KIF6: variants seen among roughly 807,000 people sequenced by gnomAD.
The protein encoded by KIF6 is kinesin-like protein KIF6.
A neutral mutation model predicts 112.7 loss-of-function variants in KIF6; 106 were observed. The observed-to-expected ratio is 0.94, with a 90% CI of 0.80 to 1.11. The LOEUF (loss-of-function observed/expected upper bound fraction) is 1.11. KIF6 is among the 50% of genes least tolerant of loss of function. The pLI, the probability that KIF6 is intolerant of heterozygous loss-of-function variation, is 0.00. For missense variants in KIF6, 929 were observed against 964.0 expected, an observed-to-expected ratio of 0.96 and a Z score of 0.48; for synonymous variants, 339 against 339.9, an observed-to-expected ratio of 1.00 and a Z score of 0.03.
At chr6:39,345,830 A>G (rs1326265121) in intron 20 of KIF6, 41 bp from the exon 21 acceptor site, 10 of 1,432,298 alleles carry the variant, frequency 7.0e-6, no homozygotes, top group Non-Finnish European at 9.7e-6. Flanking sequence ...GAATGGGGGC[A>G]AATTTATAGA....
At position 39,439,472 on chromosome 6, in the gene KIF6, G is replaced by A. The variant is rs77432508; in HGVS notation, c.1646-8311C>T. On this transcript the variant is annotated intron_variant, in intron 13 of 22. Coordinates refer to ENST00000287152, the MANE Select transcript of KIF6 (RefSeq NM_145027.6). ...AAACCTAAAAGAGAGGAATTTCTGA[G>A]TCTCATTCTCCAAAAGACGACATTG... Among the ~76,000 whole-genome samples the A allele has an allele frequency of 2.6e-3, 393 of 152,322 alleles. 1 individual carries two copies. The highest frequency in any genetic ancestry group is 6.4e-3 in the South Asian group (31 of 4,830).
chr6:39,557,485 A>G (rs1369767242), intron 10 of KIF6, among the ~76,000 whole-genome samples: 2 of 152,332 alleles, frequency 1.3e-5, no homozygotes, highest in Non-Finnish European at 2.9e-5. Flanking sequence ...GCAAATTTAG[A>G]GAGCAAATGA....
chr6:39,586,310 C>G lies in KIF6; in HGVS notation c.941G>C (p.Cys314Ser), dbSNP rs759084436. Residue 314 changes from cysteine to serine, a missense_variant, in exon 8 of 23, where the codon TGC becomes TCC. Physicochemically the swap from Cys to Ser is moderately radical, Grantham distance 112. This residue lies in a region of KIF6 where 688 missense variants were observed against 662.7 expected (regional missense o/e 1.04). Coordinates refer to ENST00000287152, the MANE Select transcript of KIF6 (RefSeq NM_145027.6). ...SVLRDSLGGN[C>S]MTTMIATLSL... ...GAGTGTTGCAATCATAGTTGTCATG[C>G]AGTTCCCTCCCAAACTGTCTCTTAG... 5.0e-6 allele frequency: 8 copies of G among 1,614,038 alleles called. No homozygotes were observed. Among genetic ancestry groups the G allele is most frequent in the Non-Finnish European group, 6.8e-6 (8 of 1,179,906 alleles).
rs775434376 is a variant in KIF6 at position 39,725,300 on chromosome 6, T to C, written c.11A>G (p.Gln4Arg). The change falls in exon 1 of 23, where the codon CAG becomes CGG. Residue 4 changes from glutamine (Q) to arginine (R), a missense_variant. By Grantham distance (43) the Gln-to-Arg change is conservative (BLOSUM62 1). Around this residue, in one of 2 missense-constraint regions of KIF6, gnomAD observed 688 missense variants for 662.7 expected, o/e 1.04. Coordinates refer to ENST00000287152, the MANE Select transcript of KIF6 (RefSeq NM_145027.6). ...CACCCTCGCGAATATCTGGATAGTC[T>C]GCTTCACCATCTCCTCCCTGGCTCT... MVK[Q>R]TIQIFARVKP... 1.9e-6 allele frequency: 3 copies of C among 1,610,202 alleles called. No individual in the cohort carries two copies. Among genetic ancestry groups the C allele is most frequent in the Middle Eastern group, 3.3e-4 (2 of 6,048 alleles).
intron 18 of KIF6, among the ~76,000 whole-genome samples, chr6:39,359,585 T>C (rs1006256794): frequency 1.3e-5 from 2 of 152,098 alleles, no homozygotes; most frequent in African/African-American, 2.4e-5. Flanking sequence ...TGATTTATTA[T>C]TATTATTATT....
chr6:39,408,220 G>A (rs1011429336), intron 15 of KIF6, among the ~76,000 whole-genome samples: 1 of 152,154 alleles, frequency 6.6e-6, no homozygotes, highest in Non-Finnish European at 1.5e-5. Context: ...TGGCTGATAT[G>A]ATCATGTACA....
chr6:39,453,840 A>G (rs1205716093), intron 13 of KIF6, among the ~76,000 whole-genome samples: 1 of 152,056 alleles, frequency 6.6e-6, no homozygotes, highest in Non-Finnish European at 1.5e-5. Flanking sequence ...AATTATTAAA[A>G]TTTTCTTCTC....
At chr6:39,365,814 C>T (rs1346858765) in intron 16 of KIF6, among the ~76,000 whole-genome samples, 4 of 152,212 alleles carry the variant, frequency 2.6e-5, no homozygotes, top group Admixed American at 2.6e-4. Context: ...ACGTGAGAGA[C>T]TGCTGGAGGC....
At chr6:39,637,194 A>G (rs547977780) in intron 4 of KIF6, among the ~76,000 whole-genome samples, 1 of 152,198 alleles carries the variant, frequency 6.6e-6, no homozygotes, top group East Asian at 1.9e-4. Flanking sequence ...TCCAGAAGTT[A>G]GAATAAATCA....
intron 10 of KIF6, among the ~76,000 whole-genome samples, chr6:39,559,709 C>T (rs190854416): frequency 6.6e-6 from 1 of 151,910 alleles, no homozygotes; most frequent in East Asian, 1.9e-4. Flanking sequence ...TTATTGACTG[C>T]CTATTGTCAA....
intron 13 of KIF6, among the ~76,000 whole-genome samples, chr6:39,538,201 C>A (rs547764817): frequency 4.1e-4 from 62 of 151,622 alleles, no homozygotes; most frequent in Non-Finnish European, 7.5e-4. Context: ...GGAACAAAAG[C>A]CAAAATTGAC....
intron 13 of KIF6, among the ~76,000 whole-genome samples, chr6:39,491,935 C>T (rs184215156): frequency 9.9e-5 from 15 of 152,140 alleles, no homozygotes; most frequent in East Asian, 1.9e-4. Flanking sequence ...TATATTAAAA[C>T]GAGAGAAATG....
intron 10 of KIF6, among the ~76,000 whole-genome samples, chr6:39,568,685 G>T (rs1004730220): frequency 1.3e-5 from 2 of 151,756 alleles, no homozygotes; most frequent in Non-Finnish European, 2.9e-5. Context: ...TGAGTAGCTG[G>T]GATTACAGAC....
chr6:39,577,681 A>G (rs1283469249), intron 10 of KIF6, among the ~76,000 whole-genome samples: 1 of 152,230 alleles, frequency 6.6e-6, no homozygotes, highest in Non-Finnish European at 1.5e-5. Flanking sequence ...TTGTGGCAAG[A>G]TGCTGTTTAA....
rs189767897 is a variant in KIF6 at position 39,588,564 on chromosome 6, C to T, written c.847-2160G>A. Among the ~76,000 whole-genome samples, 480 of 152,110 alleles carry T rather than the reference C, an allele frequency of 3.2e-3. 4 individuals carry two copies. The highest frequency in any genetic ancestry group is 0.011 in the African/African-American group (449 of 41,486). On this transcript the variant is annotated intron_variant, in intron 7 of 22. Transcript: ENST00000287152. ...TATCCTGATGTCTTCCCAATTTATACCATCAATCTCAACCTCTTCCCTGTG... is the reference window on the plus strand; with the variant it reads ...TATCCTGATGTCTTCCCAATTTATATCATCAATCTCAACCTCTTCCCTGTG...
intron 3 of KIF6, among the ~76,000 whole-genome samples, chr6:39,644,371 A>G (rs1213839287): frequency 6.6e-6 from 1 of 152,172 alleles, no homozygotes; most frequent in Non-Finnish European, 1.5e-5. Flanking sequence ...GAATGTTCAC[A>G]ACAGCATTAT....
chr6:39,678,606 G>C (rs1787316290), intron 3 of KIF6, among the ~76,000 whole-genome samples: 1 of 152,116 alleles, frequency 6.6e-6, no homozygotes, highest in African/African-American at 2.4e-5. Flanking sequence ...AAAACTTCAT[G>C]GGTGTAGCCC....
At chr6:39,475,205 G>A (rs1161885467) in intron 13 of KIF6, among the ~76,000 whole-genome samples, 1 of 152,134 alleles carries the variant, frequency 6.6e-6, no homozygotes, top group Non-Finnish European at 1.5e-5. Context: ...ATGGGGAGTG[G>A]GTGGAGATGG....
rs577209013 is a variant in KIF6, at chr6:39,649,440, T to C, written c.252-9683A>G. The stretch of plus-strand genomic sequence containing the variant: ...AATGAAACTGCAAACATGGATTAAC[T>C]GGTAATTTATACATCTGCGGGCATA... On this transcript the variant is annotated intron_variant, in intron 3 of 22. Coordinates refer to ENST00000287152, the MANE Select transcript of KIF6 (RefSeq NM_145027.6). Among the ~76,000 whole-genome samples the C allele has an allele frequency of 1.4e-4, 22 of 152,316 alleles. No homozygotes were observed. In the South Asian group the frequency reaches 4.3e-3, roughly 30 times the overall value.
Sources: allele counts gnomAD v4.1 joint callset (sites outside exome capture counted in the v4.1 genomes callset), GRCh38; gene constraint gnomAD v4.1.1; regional missense constraint gnomAD v4.1.1; transcripts MANE v1.5; gene names NCBI Gene and HGNC (gene_info 2026-07-23, HGNC 2026-07-21).